The following CLASP1 variants were observed in gnomAD, a reference collection of about 807,000 sequenced individuals.
CLASP1 encodes the protein CLIP-associating protein 1.
A neutral mutation model predicts 192.3 loss-of-function variants in CLASP1; 38 were observed. The observed-to-expected ratio is 0.20, with a 90% CI of 0.15 to 0.26. CLASP1 has a LOEUF of 0.26. Among genes scored for constraint, CLASP1 ranks in the 10% least tolerant of loss-of-function variants. CLASP1 has a pLI of 1.00. For synonymous variants in CLASP1, 691 were observed against 712.8 expected (o/e 0.97, Z 0.49); for missense variants, 1,433 against 1,932.5 (o/e 0.74, Z 4.85).
At chr2:121,547,384 G>A (rs1183364238) in intron 2 of CLASP1, among the ~76,000 whole-genome samples, 1 of 151,792 alleles carries the variant, frequency 6.6e-6, no homozygotes, top group Non-Finnish European at 1.5e-5. Flanking sequence ...TCTCCCAAGG[G>A]CCCACCCACC....
At chr2:121,454,545 T>A (rs1384815068) in intron 14 of CLASP1, among the ~76,000 whole-genome samples, 2 of 152,192 alleles carry the variant, frequency 1.3e-5, no homozygotes, top group African/African-American at 4.8e-5. Flanking sequence ...TGATAGCAGA[T>A]GAGCTTAAAA....
chr2:121,373,652 C>A (rs1352927724), intron 34 of CLASP1, among the ~76,000 whole-genome samples: 1 of 152,286 alleles, frequency 6.6e-6, no homozygotes, highest in East Asian at 1.9e-4. Context: ...ATGAAGATAA[C>A]GAACTGGAGT....
At chr2:121,417,294 A>G (rs2078761655) in intron 23 of CLASP1, among the ~76,000 whole-genome samples, 1 of 152,180 alleles carries the variant, frequency 6.6e-6, no homozygotes, top group African/African-American at 2.4e-5. Flanking sequence ...AAATAACAGT[A>G]CATATTTGAA....
At chr2:121,501,752 C>G (rs1041143210) in intron 8 of CLASP1, among the ~76,000 whole-genome samples, 1 of 152,164 alleles carries the variant, frequency 6.6e-6, no homozygotes, top group Non-Finnish European at 1.5e-5. Context: ...CTATTACCTG[C>G]TCTGCCCTTA....
chr2:121,359,877 T>G (rs1348709143), intron 37 of CLASP1, among the ~76,000 whole-genome samples: 1 of 152,206 alleles, frequency 6.6e-6, no homozygotes, highest in Non-Finnish European at 1.5e-5. Context: ...TGAGACAGAT[T>G]TGGTACTTGG....
intron 2 of CLASP1, among the ~76,000 whole-genome samples, chr2:121,565,722 T>C (rs1049258957): frequency 6.6e-6 from 1 of 152,168 alleles, no homozygotes; most frequent in South Asian, 2.1e-4. Context: ...TTATCTGACT[T>C]AGCAACTCAA....
chr2:121,497,527 T>C (rs748523448), intron 8 of CLASP1, among the ~76,000 whole-genome samples: 2 of 152,230 alleles, frequency 1.3e-5, no homozygotes, highest in Non-Finnish European at 2.9e-5. Flanking sequence ...AAATGTGATA[T>C]AGCTAATAAA....
intron 9 of CLASP1, among the ~76,000 whole-genome samples, chr2:121,467,935 G>T: frequency 6.6e-6 from 1 of 152,260 alleles, no homozygotes; most frequent in East Asian, 1.9e-4. Context: ...ATACATTTAC[G>T]TCTTTCATCC....
chr2:121,403,379 T>C (rs1252819435), intron 26 of CLASP1: 1 of 456,414 alleles, frequency 2.2e-6, no homozygotes, highest in Non-Finnish European at 4.4e-6. Flanking sequence ...AATGGGTGGA[T>C]GGATGTTTGA....
chr2:121,419,827 G>A (rs980059600), intron 22 of CLASP1, among the ~76,000 whole-genome samples: 1 of 152,216 alleles, frequency 6.6e-6, no homozygotes, highest in African/African-American at 2.4e-5. Flanking sequence ...TCCATCCTGA[G>A]AGGATGGACT....
At chr2:121,384,099 CAT>C (rs749512897) in intron 32 of CLASP1, among the ~76,000 whole-genome samples, 14 of 133,944 alleles carry the variant, frequency 1.0e-4, no homozygotes, top group East Asian at 2.0e-4. Context: ...TATATACACA[CAT>C]ATATATGTAT....
At chr2:121,490,897 A>G (rs979566255) in intron 8 of CLASP1, among the ~76,000 whole-genome samples, 1 of 152,182 alleles carries the variant, frequency 6.6e-6, no homozygotes, top group Admixed American at 6.5e-5. Flanking sequence ...TGAACCTAGA[A>G]TTGGCACCTG....
intron 3 of CLASP1, among the ~76,000 whole-genome samples, chr2:121,529,213 T>C (rs2094676213): frequency 6.6e-6 from 1 of 152,068 alleles, no homozygotes; most frequent in Non-Finnish European, 1.5e-5. Context: ...TTTTTAGTTT[T>C]ACATCACGCC....
intron 1 of CLASP1, among the ~76,000 whole-genome samples, chr2:121,626,028 A>C (rs1478786437): frequency 2.0e-5 from 3 of 151,476 alleles, no homozygotes; most frequent in African/African-American, 7.3e-5. Flanking sequence ...TGAACACAGG[A>C]GGCAGAGGCT....
intron 2 of CLASP1, among the ~76,000 whole-genome samples, chr2:121,587,706 C>A (rs1186803027): frequency 6.6e-6 from 1 of 151,870 alleles, no homozygotes; most frequent in African/African-American, 2.4e-5. Flanking sequence ...TGGCACACGC[C>A]TGTAGTCCCA....
chr2:121,518,237 A>G (rs2094369180), intron 6 of CLASP1, among the ~76,000 whole-genome samples: 1 of 138,546 alleles, frequency 7.2e-6, no homozygotes, highest in Admixed American at 7.2e-5. Context: ...GTCTCAAAAA[A>G]AAAAAAAAAA....
At chr2:121,649,012 G>A (rs1338209915) in intron 1 of CLASP1, among the ~76,000 whole-genome samples, 1 of 152,040 alleles carries the variant, frequency 6.6e-6, no homozygotes, top group African/African-American at 2.4e-5. Flanking sequence ...AACGCGCCCC[G>A]GGCTCGCTGG....
chr2:121,347,953 A>T (rs1351715240), intron 38 of CLASP1, among the ~76,000 whole-genome samples: 1 of 60,028 alleles, frequency 1.7e-5, no homozygotes, highest in Admixed American at 2.4e-4. Flanking sequence ...CCCACCCCCC[A>T]CCCCAACCTG....
At chr2:121,365,995 T>A (rs2067335416) in intron 35 of CLASP1, among the ~76,000 whole-genome samples, 1 of 152,150 alleles carries the variant, frequency 6.6e-6, no homozygotes, top group South Asian at 2.1e-4. Flanking sequence ...ATAGAGAGGA[T>A]GAAAAAACAA....
Sources: gnomAD v4.1 joint callset for allele counts (sites outside exome capture counted in the v4.1 genomes callset) on GRCh38, gnomAD v4.1.1 for gene constraint, MANE v1.5 for transcripts, NCBI Gene and HGNC (gene_info 2026-07-23, HGNC 2026-07-21) for gene names.